CARD8: variants seen among roughly 807,000 people sequenced by gnomAD.
CARD8 encodes caspase recruitment domain family member 8.
In CARD8, 38 loss-of-function variants were observed where a neutral mutation model predicts 53.2. That is an observed-to-expected ratio of 0.71 (90% CI 0.55 to 0.94). The LOEUF is 0.94. CARD8 is among the 40% of genes least tolerant of loss of function. CARD8 has a pLI of 0.00. For missense variants in CARD8, 561 were observed against 655.5 expected (o/e 0.86, Z 1.57); for synonymous variants, 245 against 244.9 (o/e 1.00, Z 0.00).
At chr19:48,241,148 C>T (rs765335547) in intron 3 of CARD8, 85 bp from the exon 4 acceptor site, 142 of 747,156 alleles carry the variant, frequency 1.9e-4, no homozygotes, top group Non-Finnish European at 2.1e-4. Context: ...CAAAGGTTGA[C>T]AAAAGCGCTT....
downstream of CARD8, chr19:48,203,401 T>C (rs2037236974): frequency 6.6e-6 from 1 of 152,324 alleles, no homozygotes; most frequent in East Asian, 1.9e-4. Flanking sequence ...CCAGACTGCC[T>C]GGGTTCAAAT....
downstream of CARD8, among the ~76,000 whole-genome samples, chr19:48,207,744 T>TTTTGTTTTTTTTG (rs1555790219): frequency 1.2e-3 from 108 of 90,330 alleles, no homozygotes; most frequent in African/African-American, 3.3e-3. Flanking sequence ...GTTTTTTTTT[T>TTTTGTTTTTTTTG]TTTTTTTTTG....
intron 13 of CARD8, among the ~76,000 whole-genome samples, chr19:48,214,769 C>CTTTTGTTTT (rs2038873972): frequency 1.1e-5 from 1 of 89,564 alleles, no homozygotes; most frequent in Non-Finnish European, 2.0e-5. Flanking sequence ...TGCTATAAAG[C>CTTTTGTTTT]TTTTTTTTTT....
intron 4 of CARD8, among the ~76,000 whole-genome samples, chr19:48,238,791 G>C (rs1353312010): frequency 1.3e-5 from 2 of 151,968 alleles, no homozygotes; most frequent in Non-Finnish European, 2.9e-5. Flanking sequence ...TATCCTTAGA[G>C]ATGCCATCCT....
chr19:48,207,497 C>G (rs1480575947), downstream of CARD8, among the ~76,000 whole-genome samples: 1 of 46,144 alleles, frequency 2.2e-5, no homozygotes, highest in Non-Finnish European at 8.1e-5. Flanking sequence ...ATTTTTATGG[C>G]TTTTAATGAG....
At chr19:48,232,954 A>C in intron 6 of CARD8, 1 of 369,042 alleles carries the variant, frequency 2.7e-6, no homozygotes, top group South Asian at 2.1e-5. Context: ...TCTGGCTTAA[A>C]TTGATTGCTC....
intron 4 of CARD8, among the ~76,000 whole-genome samples, 193 bp from the exon 5 acceptor site, chr19:48,238,725 T>TAGAGA (rs1166616258): frequency 2.6e-5 from 4 of 152,174 alleles, no homozygotes; most frequent in African/African-American, 9.7e-5. Flanking sequence ...ATGCCATCCT[T>TAGAGA]AGAGACATCC....
chr19:48,233,276 T>C (rs11882074), intron 6 of CARD8: 8,731 of 455,096 alleles, frequency 0.019, 486 homozygotes, highest in African/African-American at 0.13. Context: ...TGATACCTTC[T>C]GGAGCAAGGC....
downstream of CARD8, among the ~76,000 whole-genome samples, chr19:48,206,826 TCA>T (rs1214335726): frequency 6.6e-6 from 1 of 152,178 alleles, no homozygotes; most frequent in Admixed American, 6.5e-5. Context: ...CCCTAACAAC[TCA>T]CAGTCAGGAC....
chr19:48,247,102 T>C (rs1056760157), intron 3 of CARD8, among the ~76,000 whole-genome samples: 2 of 152,170 alleles, frequency 1.3e-5, no homozygotes, highest in East Asian at 1.9e-4. Context: ...GCCGGGTAGA[T>C]CACTTGAGGT....
intron 8 of CARD8, 70 bp downstream of exon 8, chr19:48,231,590 A>G (rs2042898717): frequency 6.8e-7 from 1 of 1,462,276 alleles, no homozygotes; most frequent in Non-Finnish European, 9.2e-7. Context: ...GGCCTGAGCC[A>G]CCACGCCTGG....
At chr19:48,234,362 C>A in intron 6 of CARD8, 41 bp downstream of exon 6, 1 of 1,576,014 alleles carries the variant, frequency 6.3e-7, no homozygotes, top group Non-Finnish European at 8.6e-7. Flanking sequence ...GATATTGAGA[C>A]ACAGCGTCCA....
rs549617777 is a variant in CARD8 at position 48,244,882 on chromosome 19, G to A, written c.-43-3819C>T. ...CCAAGTTAACAATCACTCTTGGGGGGAAAAAAACTCCACCCACAATTCCTA... is the reference window on the plus strand; with the variant it reads ...CCAAGTTAACAATCACTCTTGGGGGAAAAAAAACTCCACCCACAATTCCTA... On this transcript the variant is annotated intron_variant, in intron 3 of 13. Coordinates refer to ENST00000651546, the MANE Select transcript of CARD8 (RefSeq NM_001184900.3). Among the ~76,000 whole-genome samples, 11 of 151,460 alleles carry A rather than the reference G, an allele frequency of 7.3e-5. 1 individual carries two copies. The South Asian group carries it at 2.3e-3, about 32-fold the overall frequency.
intron 1 of CARD8, among the ~76,000 whole-genome samples, chr19:48,252,808 T>TATATATACACAC (rs113740488): frequency 0.28 from 41,107 of 147,970 alleles, 5,742 homozygotes; most frequent in Admixed American, 0.32. Context: ...TATCAGTATA[T>TATATATACACAC]ACACACACAC....
At chr19:48,215,257 C>G in intron 13 of CARD8, 83 bp downstream of exon 13, 1 of 981,622 alleles carries the variant, frequency 1.0e-6, no homozygotes, top group South Asian at 1.3e-5. Context: ...GGTGCCATGT[C>G]ACTTGGATAC....
chr19:48,245,464 C>T (rs2045952785), intron 3 of CARD8, among the ~76,000 whole-genome samples: 1 of 152,136 alleles, frequency 6.6e-6, no homozygotes, highest in Admixed American at 6.5e-5. Context: ...CCGCCCACCT[C>T]AGCCTCCCAA....
chr19:48,229,302 C>G (rs1291448676), intron 10 of CARD8, among the ~76,000 whole-genome samples: 1 of 151,826 alleles, frequency 6.6e-6, no homozygotes, highest in Non-Finnish European at 1.5e-5. Flanking sequence ...AGGTATGAAG[C>G]AAGTAAGCAT....
chr19:48,226,830 G>A (rs1433889181), intron 10 of CARD8, among the ~76,000 whole-genome samples: 1 of 151,956 alleles, frequency 6.6e-6, no homozygotes, highest in Non-Finnish European at 1.5e-5. Flanking sequence ...GGAAAGAAAA[G>A]AAATCGAGGC....
chr19:48,207,737 T>G (rs947889245), downstream of CARD8, among the ~76,000 whole-genome samples: 112 of 93,064 alleles, frequency 1.2e-3, 1 homozygote, highest in African/African-American at 3.9e-3. Context: ...TTTTTCTGTT[T>G]TTTTTTTTTT....
Sources: allele counts gnomAD v4.1 joint callset (sites outside exome capture counted in the v4.1 genomes callset), GRCh38; gene constraint gnomAD v4.1.1; transcripts MANE v1.5; gene names NCBI Gene and HGNC (gene_info 2026-07-23, HGNC 2026-07-21).